Variants in CACNA2D3 observed in about 807,000 individuals in gnomAD.
The protein encoded by CACNA2D3 is voltage-dependent calcium channel subunit alpha-2/delta-3.
A neutral mutation model predicts 160.6 loss-of-function variants in CACNA2D3; 60 were observed. That is an observed-to-expected ratio of 0.37 (90% confidence interval 0.30 to 0.46). The LOEUF (loss-of-function observed/expected upper bound fraction) is 0.46. Ranked by LOEUF, CACNA2D3 falls within the 20% of genes least tolerant of loss-of-function variation. The pLI is 1.00. For missense variants in CACNA2D3, 1,205 were observed against 1,365.0 expected (o/e 0.88, Z 1.85); for synonymous variants, 558 against 492.9 (o/e 1.13, Z -1.75).
In CACNA2D3 at chr3:54,892,556, C is replaced by T. The variant is rs546410367; in HGVS notation, c.2246+1106C>T. ...TGACCTTCTTGATACTCACATTTAT[C>T]ATCTATGAAGTTTGATTATAGTTGC... On this transcript the variant is annotated intron_variant, in intron 25 of 37. Transcript: ENST00000474759. Among the ~76,000 whole-genome samples, 17 of 152,282 alleles carry T rather than the reference C, an allele frequency of 1.1e-4. No homozygotes were observed. The East Asian group carries it at 2.7e-3, about 24-fold the overall frequency.
At chr3:54,514,821 C>T (rs1474734155) in intron 5 of CACNA2D3, among the ~76,000 whole-genome samples, 1 of 152,226 alleles carries the variant, frequency 6.6e-6, no homozygotes, top group Admixed American at 6.5e-5. Context: ...ACACACCACA[C>T]AAGCTATTGG....
intron 13 of CACNA2D3, among the ~76,000 whole-genome samples, chr3:54,794,239 G>T (rs1702820176): frequency 6.6e-6 from 1 of 151,978 alleles, no homozygotes; most frequent in African/African-American, 2.4e-5. Flanking sequence ...CCTCTTAGTT[G>T]TTTCTTTTGA....
At chr3:54,354,328 A>G (rs1228857355) in intron 3 of CACNA2D3, among the ~76,000 whole-genome samples, 6 of 152,226 alleles carry the variant, frequency 3.9e-5, no homozygotes, top group Admixed American at 2.6e-4. Flanking sequence ...CCTTCTGATG[A>G]TATCTCTTTA....
rs115647318 is a variant in CACNA2D3 at position 54,158,922 on chromosome 3, C to G, written c.204+35328C>G. 3.6e-3 allele frequency among the ~76,000 whole-genome samples: 554 copies of G among 152,258 alleles called. 3 individuals carry two copies. Among genetic ancestry groups the G allele is most frequent in the African/African-American group, 0.013 (537 of 41,534 alleles). On this transcript the variant is annotated intron_variant, in intron 2 of 37. Coordinates refer to ENST00000474759, the MANE Select transcript of CACNA2D3 (RefSeq NM_018398.3). ...CTGCCCTGCTGAAATTAAGTATTGT[C>G]GTATGACTTACTTTGGCCAGTGGAT...
intron 8 of CACNA2D3, among the ~76,000 whole-genome samples, chr3:54,572,010 A>G (rs1452432677): frequency 6.6e-6 from 1 of 152,104 alleles, no homozygotes; most frequent in Non-Finnish European, 1.5e-5. Flanking sequence ...TGTGGTCTGC[A>G]TGGCTCCCCT....
intron 24 of CACNA2D3, among the ~76,000 whole-genome samples, chr3:54,888,442 A>T (rs1296842829): frequency 1.3e-5 from 2 of 152,104 alleles, no homozygotes; most frequent in Admixed American, 6.5e-5. Context: ...GCTCAGTTTC[A>T]TAGGGTGTTA....
At chr3:54,398,169 G>A (rs879792414) in intron 4 of CACNA2D3, among the ~76,000 whole-genome samples, 8,823 of 131,108 alleles carry the variant, frequency 0.067, 416 homozygotes, top group Non-Finnish European at 0.093. Context: ...CCATTGGCTA[G>A]GTAGATCTTC....
intron 2 of CACNA2D3, among the ~76,000 whole-genome samples, chr3:54,230,593 CTG>C (rs1701750521): frequency 6.6e-6 from 1 of 152,180 alleles, no homozygotes. Flanking sequence ...CTGTTGGACT[CTG>C]TGGGAGACAG....
chr3:54,321,194 C>CAT, intron 3 of CACNA2D3, among the ~76,000 whole-genome samples: 1 of 151,998 alleles, frequency 6.6e-6, no homozygotes, highest in Non-Finnish European at 1.5e-5. Flanking sequence ...TTGGTGGGTG[C>CAT]CTGTAATCCC....
At chr3:54,262,195 G>A (rs1369655327) in intron 2 of CACNA2D3, among the ~76,000 whole-genome samples, 1 of 152,054 alleles carries the variant, frequency 6.6e-6, no homozygotes, top group Non-Finnish European at 1.5e-5. Context: ...GTTTGCTTTG[G>A]CGGCAGGGCT....
At chr3:54,459,692 G>A (rs1393778456) in intron 4 of CACNA2D3, among the ~76,000 whole-genome samples, 3 of 150,744 alleles carry the variant, frequency 2.0e-5, no homozygotes, top group Non-Finnish European at 4.5e-5. Context: ...AGATGAGTAG[G>A]TTGCGAAAAT....
At chr3:54,223,883 T>G (rs1182074021) in intron 2 of CACNA2D3, among the ~76,000 whole-genome samples, 2 of 151,462 alleles carry the variant, frequency 1.3e-5, no homozygotes, top group African/African-American at 4.9e-5. Context: ...TTTTTCTGAC[T>G]CTAATAATAA....
At chr3:54,966,693 C>T (rs749263495) in intron 27 of CACNA2D3, among the ~76,000 whole-genome samples, 7 of 152,114 alleles carry the variant, frequency 4.6e-5, no homozygotes, top group Non-Finnish European at 1.0e-4. Context: ...GTGGTGCACA[C>T]CTGTAATCCC....
At chr3:54,139,379 G>A (rs572951966) in intron 2 of CACNA2D3, among the ~76,000 whole-genome samples, 4 of 152,354 alleles carry the variant, frequency 2.6e-5, no homozygotes, top group South Asian at 2.1e-4. Flanking sequence ...GCCTGCCCAC[G>A]CTCTGCAGAC....
chr3:54,877,882 C>T (rs778463077), intron 18 of CACNA2D3, among the ~76,000 whole-genome samples: 5 of 152,160 alleles, frequency 3.3e-5, no homozygotes, highest in African/African-American at 7.2e-5. Flanking sequence ...TAAATCGAGC[C>T]GTTCTTAAAA....
At chr3:54,705,144 G>A (rs1422982735) in intron 11 of CACNA2D3, among the ~76,000 whole-genome samples, 1 of 152,122 alleles carries the variant, frequency 6.6e-6, no homozygotes, top group Non-Finnish European at 1.5e-5. Context: ...TATTTCAAAT[G>A]TACTGAATAC....
At chr3:54,270,810 CA>C (rs1197683862) in intron 2 of CACNA2D3, among the ~76,000 whole-genome samples, 7 of 152,200 alleles carry the variant, frequency 4.6e-5, no homozygotes, top group Non-Finnish European at 1.0e-4. Context: ...GGGCATCTTG[CA>C]GCTCCTTCAG....
At chr3:54,847,894 G>T (rs1222832966) in intron 17 of CACNA2D3, among the ~76,000 whole-genome samples, 1 of 152,144 alleles carries the variant, frequency 6.6e-6, no homozygotes, top group South Asian at 2.1e-4. Context: ...GACTCCTAGT[G>T]TGTATTTATT....
At chr3:54,673,262 G>T (rs1432279272) in intron 11 of CACNA2D3, among the ~76,000 whole-genome samples, 2 of 152,206 alleles carry the variant, frequency 1.3e-5, no homozygotes, top group Non-Finnish European at 2.9e-5. Flanking sequence ...GTTAAAAGGT[G>T]TTTGGGGTGG....
Sources: allele counts gnomAD v4.1 joint callset (sites outside exome capture counted in the v4.1 genomes callset), GRCh38; gene constraint gnomAD v4.1.1; transcripts MANE v1.5; gene names NCBI Gene and HGNC (gene_info 2026-07-23, HGNC 2026-07-21).